Variants in PTH2R observed in about 807,000 individuals in gnomAD.
PTH2R encodes parathyroid hormone 2 receptor, also known as PTH2 receptor.
In PTH2R, 59 loss-of-function variants were observed where a neutral mutation model predicts 60.3. The ratio of observed to expected loss-of-function variants is 0.98; its 90% confidence interval spans 0.79 to 1.22. The LOEUF (loss-of-function observed/expected upper bound fraction) is 1.22, where lower values mean the gene tolerates loss of function less well. Ranked by LOEUF, PTH2R falls within the 50% of genes most tolerant of loss-of-function variation. PTH2R has a pLI of 0.00. For synonymous variants in PTH2R, 256 were observed against 243.8 expected (o/e 1.05, Z -0.47); for missense variants, 749 against 682.6 (o/e 1.10, Z -1.08).
chr2:208,385,605 A>G (rs1329086460), intron 1 of PTH2R, among the ~76,000 whole-genome samples: 2 of 152,206 alleles, frequency 1.3e-5, no homozygotes, highest in Non-Finnish European at 2.9e-5. Context: ...AAATGCTGCA[A>G]TTCTATCCTG....
chr2:208,413,074 A>G (rs1278708567), intron 1 of PTH2R, among the ~76,000 whole-genome samples: 1 of 151,722 alleles, frequency 6.6e-6, no homozygotes, highest in Non-Finnish European at 1.5e-5. Context: ...TTTCTCCATA[A>G]TTTATTTGCT....
At chr2:208,402,505 CTCAA>C (rs773593931), upstream of PTH2R, among the ~76,000 whole-genome samples, 6 of 152,092 alleles carry the variant, frequency 3.9e-5, no homozygotes, top group Non-Finnish European at 8.8e-5. Context: ...TTAAAAAGTC[CTCAA>C]TCAAATTTTA....
intron 1 of PTH2R, among the ~76,000 whole-genome samples, chr2:208,421,213 T>G (rs1701748624): frequency 1.3e-5 from 2 of 152,210 alleles, no homozygotes; most frequent in South Asian, 4.1e-4. Flanking sequence ...TAAATCATTT[T>G]CAGTTTGCTT....
intron 1 of PTH2R, among the ~76,000 whole-genome samples, chr2:208,417,304 G>A (rs1032837747): frequency 3.9e-5 from 6 of 152,108 alleles, no homozygotes; most frequent in Admixed American, 1.3e-4. Flanking sequence ...TGGAAGCCGA[G>A]TAACTAGGCA....
chr2:208,443,562 C>G, intron 6 of PTH2R, 25 bp downstream of exon 6: 1 of 1,560,236 alleles, frequency 6.4e-7, no homozygotes, highest in Non-Finnish European at 8.7e-7. Flanking sequence ...CATTTTCTCT[C>G]ATTACTAATT....
rs528556941 is a variant in PTH2R at position 208,377,948 on chromosome 2, G to A, written c.-259+17711G>A. On this transcript the variant is annotated intron_variant, in intron 1 of 12. Coordinates refer to the PTH2R transcript ENST00000617735. ...AGACGATGGGCGGCCAGGCAGAGAC[G>A]CTCCTCACTTCCCAGACGGGGTGGC... 3.9e-5 allele frequency among the ~76,000 whole-genome samples: 6 copies of A among 151,966 alleles called. No individual in the cohort carries two copies. The South Asian group carries it at 6.2e-4, about 16-fold the overall frequency.
intron 1 of PTH2R, among the ~76,000 whole-genome samples, chr2:208,388,659 T>C (rs1701053014): frequency 6.6e-6 from 1 of 152,232 alleles, no homozygotes; most frequent in African/African-American, 2.4e-5. Context: ...GTGATTACTC[T>C]AGAATAGACA....
chr2:208,364,573 T>G (rs1311203906), intron 1 of PTH2R, among the ~76,000 whole-genome samples: 1 of 152,168 alleles, frequency 6.6e-6, no homozygotes, highest in African/African-American at 2.4e-5. Flanking sequence ...CTTTATTCTG[T>G]TCTATTGATT....
intron 1 of PTH2R, among the ~76,000 whole-genome samples, chr2:208,380,011 C>T (rs958970233): frequency 1.3e-5 from 2 of 152,112 alleles, no homozygotes; most frequent in African/African-American, 4.8e-5. Context: ...TTCATTCTCA[C>T]TAGCCGTGTG....
intron 10 of PTH2R, among the ~76,000 whole-genome samples, chr2:208,485,663 G>C (rs1481601568): frequency 2.0e-5 from 3 of 152,124 alleles, no homozygotes; most frequent in Non-Finnish European, 4.4e-5. Flanking sequence ...CTATGGGCAG[G>C]AATTATTTGC....
chr2:208,443,604 A>T, intron 6 of PTH2R, 67 bp downstream of exon 6: 1 of 1,343,430 alleles, frequency 7.4e-7, no homozygotes, highest in South Asian at 1.5e-5. Context: ...ACAATTTTAC[A>T]GTCCACTAAA....
At chr2:208,371,259 G>T (rs768860268) in intron 1 of PTH2R, among the ~76,000 whole-genome samples, 11 of 152,132 alleles carry the variant, frequency 7.2e-5, no homozygotes, top group Non-Finnish European at 2.9e-5. Flanking sequence ...CAATCGCTGC[G>T]GAAAGCAGCC....
At chr2:208,382,337 G>C (rs1426262376) in intron 1 of PTH2R, among the ~76,000 whole-genome samples, 1 of 152,048 alleles carries the variant, frequency 6.6e-6, no homozygotes, top group African/African-American at 2.4e-5. Context: ...GAGTGGAATT[G>C]CTAGATCATA....
chr2:208,474,877 A>G (rs1284156533), intron 9 of PTH2R, among the ~76,000 whole-genome samples: 1 of 152,208 alleles, frequency 6.6e-6, no homozygotes, highest in Non-Finnish European at 1.5e-5. Flanking sequence ...TGATTCTGAC[A>G]TCTGTATGAG....
At chr2:208,421,199 T>G (rs1471329289) in intron 1 of PTH2R, among the ~76,000 whole-genome samples, 1 of 152,218 alleles carries the variant, frequency 6.6e-6, no homozygotes, top group Non-Finnish European at 1.5e-5. Flanking sequence ...ATACAAGTTT[T>G]TCTTAAATCA....
At chr2:208,492,395 C>T (rs996217297) in intron 12 of PTH2R, among the ~76,000 whole-genome samples, 2 of 152,142 alleles carry the variant, frequency 1.3e-5, no homozygotes, top group Non-Finnish European at 2.9e-5. Flanking sequence ...AATTCCACTT[C>T]ACACAGAAGT....
chr2:208,439,204 A>T (rs1234562073), intron 4 of PTH2R, among the ~76,000 whole-genome samples: 2 of 152,130 alleles, frequency 1.3e-5, no homozygotes, highest in Non-Finnish European at 2.9e-5. Context: ...ATTTTCTGTG[A>T]TTACTGTGTA....
chr2:208,388,921 A>G (rs1027018618), intron 1 of PTH2R, among the ~76,000 whole-genome samples: 11 of 152,170 alleles, frequency 7.2e-5, no homozygotes, highest in African/African-American at 2.7e-4. Context: ...CTCAGTAAGC[A>G]CTTATGGATG....
At chr2:208,389,995 T>C (rs574540955) in intron 1 of PTH2R, among the ~76,000 whole-genome samples, 2 of 152,240 alleles carry the variant, frequency 1.3e-5, no homozygotes, top group Admixed American at 6.5e-5. Context: ...TTTTTTACAT[T>C]ATAGTCAAGA....
Sources: gnomAD v4.1 joint callset for allele counts (sites outside exome capture counted in the v4.1 genomes callset) on GRCh38, gnomAD v4.1.1 for gene constraint, MANE v1.5 for transcripts, NCBI Gene and HGNC (gene_info 2026-07-23, HGNC 2026-07-21) for gene names.